MSRA: variants seen among roughly 807,000 people sequenced by gnomAD.
The protein encoded by MSRA is mitochondrial peptide methionine sulfoxide reductase.
Under a neutral mutation model 31.3 loss-of-function variants are expected in MSRA, and 54 were observed. The ratio of observed to expected loss-of-function variants is 1.73; its 90% CI spans 1.39 to 2.17. The LOEUF (loss-of-function observed/expected upper bound fraction) is 2.17. MSRA is among the 30% of genes most tolerant of loss of function. The pLI is 0.00. For missense variants in MSRA, 507 were observed against 300.9 expected (o/e 1.69, Z -5.07); for synonymous variants, 169 against 116.5 (o/e 1.45, Z -2.90).
At chr8:10,263,715 G>C (rs995352790) in intron 3 of MSRA, among the ~76,000 whole-genome samples, 1 of 152,182 alleles carries the variant, frequency 6.6e-6, no homozygotes, top group Non-Finnish European at 1.5e-5. Context: ...CTGGGGACAG[G>C]AATAGGGAAA....
Position 10,319,934 on chromosome 8 carries a change from C to G in MSRA, c.488C>G (p.Pro163Arg), listed in dbSNP as rs149552738. The change falls in exon 5 of 6, where the codon CCG becomes CGG. Residue 163 changes from proline to arginine, a missense_variant. Transcript: ENST00000317173. ...ACTCAGTACCGCTCGGCCATCTACC[C>G]GACCTCTGCCAAGCAAATGGAGGCA... ...HGTQYRSAIY[P>R]TSAKQMEAAL... 6.2e-7 allele frequency: 1 copy of G among 1,601,406 alleles called. No individual in the cohort carries two copies.
intron 2 of MSRA, among the ~76,000 whole-genome samples, chr8:10,220,559 A>T (rs1350161360): frequency 6.6e-6 from 1 of 152,168 alleles, no homozygotes; most frequent in Non-Finnish European, 1.5e-5. Context: ...TTTTTGCCAT[A>T]TGCCTGTTGT....
chr8:10,416,743 G>T (rs775228793), intron 5 of MSRA, among the ~76,000 whole-genome samples: 2 of 152,224 alleles, frequency 1.3e-5, no homozygotes. Flanking sequence ...GATTCGGTAC[G>T]TCTGGGGAAG....
intron 5 of MSRA, among the ~76,000 whole-genome samples, chr8:10,331,195 C>T (rs1028745290): frequency 1.3e-5 from 2 of 152,200 alleles, no homozygotes; most frequent in Non-Finnish European, 2.9e-5. Context: ...GTTATTGAAG[C>T]CACGTAGTCT....
intron 2 of MSRA, among the ~76,000 whole-genome samples, chr8:10,213,559 C>A (rs191228796): frequency 3.3e-5 from 5 of 150,222 alleles, no homozygotes; most frequent in African/African-American, 9.8e-5. Context: ...GCCTCAGCTT[C>A]CCGAGTAGCT....
intron 3 of MSRA, among the ~76,000 whole-genome samples, chr8:10,275,464 T>C (rs1238070217): frequency 6.6e-6 from 1 of 152,182 alleles, no homozygotes; most frequent in East Asian, 1.9e-4. Context: ...AGAATTGGAG[T>C]TGTGAAACAG....
chr8:10,088,735 CAG>C (rs1798697978), intron 1 of MSRA, among the ~76,000 whole-genome samples: 1 of 149,780 alleles, frequency 6.7e-6, no homozygotes, highest in African/African-American at 2.5e-5. Flanking sequence ...GACTTCATCT[CAG>C]AAAAAAAAAG....
chr8:10,357,550 C>T (rs1804580053), intron 5 of MSRA, among the ~76,000 whole-genome samples: 1 of 152,218 alleles, frequency 6.6e-6, no homozygotes, highest in East Asian at 1.9e-4. Context: ...CACATTGGCT[C>T]TGGGGTCCTT....
intron 5 of MSRA, among the ~76,000 whole-genome samples, chr8:10,331,214 G>A (rs757805498): frequency 6.6e-6 from 1 of 152,186 alleles, no homozygotes; most frequent in African/African-American, 2.4e-5. Flanking sequence ...CTGTTACTTT[G>A]TTATGGCAGC....
intron 1 of MSRA, among the ~76,000 whole-genome samples, chr8:10,193,262 C>T (rs1305765989): frequency 6.6e-6 from 1 of 152,188 alleles, no homozygotes; most frequent in Non-Finnish European, 1.5e-5. Context: ...ACATTTTGGG[C>T]CTGCCTTAGA....
intron 5 of MSRA, among the ~76,000 whole-genome samples, chr8:10,325,373 AG>A (rs1484944375): frequency 1.3e-5 from 2 of 152,100 alleles, no homozygotes; most frequent in African/African-American, 4.8e-5. Flanking sequence ...TAATAATAAT[AG>A]TAATACTGTT....
intron 1 of MSRA, among the ~76,000 whole-genome samples, chr8:10,174,184 A>G (rs558934858): frequency 6.6e-6 from 1 of 152,162 alleles, no homozygotes; most frequent in African/African-American, 2.4e-5. Context: ...GGATTTGAGT[A>G]TTTGTTCCTG....
intron 3 of MSRA, among the ~76,000 whole-genome samples, chr8:10,260,056 C>G (rs1473839918): frequency 6.6e-6 from 1 of 152,218 alleles, no homozygotes; most frequent in Non-Finnish European, 1.5e-5. Flanking sequence ...GAGAAAACAA[C>G]CAAGTCATTT....
At chr8:10,137,031 G>T (rs1165535033) in intron 1 of MSRA, among the ~76,000 whole-genome samples, 1 of 152,146 alleles carries the variant, frequency 6.6e-6, no homozygotes, top group Non-Finnish European at 1.5e-5. Flanking sequence ...GTCGAATTCT[G>T]CAGTAACCTG....
At chr8:10,386,055 G>A (rs1263953330) in intron 5 of MSRA, among the ~76,000 whole-genome samples, 7 of 152,150 alleles carry the variant, frequency 4.6e-5, no homozygotes, top group Non-Finnish European at 8.8e-5. Context: ...TGGCAGTCTC[G>A]TCAATACCCC....
In MSRA at chr8:10,088,878, A is replaced by G. The variant is rs1798710342; in HGVS notation, c.142+34220A>G. On this transcript the variant is annotated intron_variant, in intron 1 of 5. Transcript: ENST00000317173. The stretch of plus-strand genomic sequence containing the variant: ...ACGTTATGCTAAGTGAAATGTGCAG[A>G]CACAGAGAGAGAAATATTACATAAT... 2.0e-5 allele frequency among the ~76,000 whole-genome samples: 3 copies of G among 152,360 alleles called. No individual in the cohort carries two copies. In the South Asian group the frequency reaches 6.2e-4, roughly 32 times the overall value.
At chr8:10,189,022 A>T (rs1159757814) in intron 1 of MSRA, among the ~76,000 whole-genome samples, 2 of 152,186 alleles carry the variant, frequency 1.3e-5, no homozygotes, top group South Asian at 4.1e-4. Context: ...ATTGATTTCT[A>T]TATGCTTTAA....
At chr8:10,425,634 A>G (rs1459297068) in intron 5 of MSRA, among the ~76,000 whole-genome samples, 1 of 152,234 alleles carries the variant, frequency 6.6e-6, no homozygotes, top group Non-Finnish European at 1.5e-5. Flanking sequence ...GTGGCCATAG[A>G]ACATGGACGC....
intron 3 of MSRA, among the ~76,000 whole-genome samples, chr8:10,296,709 T>C (rs1800562384): frequency 6.6e-6 from 1 of 152,170 alleles, no homozygotes; most frequent in African/African-American, 2.4e-5. Flanking sequence ...GTTGGGTAGA[T>C]AAAGGCCCCC....
Sources: allele counts gnomAD v4.1 joint callset (sites outside exome capture counted in the v4.1 genomes callset), GRCh38; gene constraint gnomAD v4.1.1; transcripts MANE v1.5; gene names NCBI Gene and HGNC (gene_info 2026-07-23, HGNC 2026-07-21).